Variants in MTR observed in about 807,000 individuals in gnomAD.
The protein encoded by MTR is methionine synthase.
Under a neutral mutation model 154.8 loss-of-function variants are expected in MTR, and 84 were observed. The observed-to-expected ratio is 0.54, with a 90% CI of 0.45 to 0.65. The LOEUF is 0.65. Ranked by LOEUF, MTR falls within the 30% of genes least tolerant of loss-of-function variation. The pLI, the probability that MTR is intolerant of heterozygous loss-of-function variation, is 0.00. For missense variants in MTR, 1,275 were observed against 1,570.2 expected (o/e 0.81, Z 3.18); for synonymous variants, 554 against 553.9 (o/e 1.00, Z 0.00).
Position 236,850,384 on chromosome 1 carries a change from C to T in MTR, c.1556C>T (p.Ala519Val). The stretch of plus-strand genomic sequence containing the variant: ...ACAAAAATCAGAGTGTGCACCCGGG[C>T]CTACCATCTGCTTGTGAAAAAACTG... ...TDTKIRVCTRAYHLLVKKLGF... is the reference protein window; with the variant it reads ...TDTKIRVCTRVYHLLVKKLGF... The change falls in exon 16 of 33, where the codon GCC becomes GTC. Residue 519 changes from alanine (A) to valine (V), a missense_variant. By Grantham distance (64) the Ala-to-Val change is moderately conservative (BLOSUM62 0). Transcript: ENST00000366577. The T allele has an allele frequency of 1.2e-6, 2 of 1,613,660 alleles. No individual in the cohort carries two copies. The highest frequency in any genetic ancestry group is 1.1e-5 in the South Asian group (1 of 91,076).
At chr1:236,834,614 T>A (rs1204036625) in intron 13 of MTR, among the ~76,000 whole-genome samples, 1 of 152,192 alleles carries the variant, frequency 6.6e-6, no homozygotes, top group East Asian at 1.9e-4. Context: ...TTTCTATTTT[T>A]TTTTTCCTTG....
chr1:236,818,734 G>C (rs940351022), intron 8 of MTR, among the ~76,000 whole-genome samples: 10 of 152,088 alleles, frequency 6.6e-5, no homozygotes, highest in African/African-American at 2.4e-4. Flanking sequence ...TGATTATCAC[G>C]AACTATAGAA....
chr1:236,829,308 A>G, intron 12 of MTR, 40 bp downstream of exon 12: 3 of 1,515,456 alleles, frequency 2.0e-6, no homozygotes, highest in Non-Finnish European at 2.8e-6. Context: ...TGCAGAAACC[A>G]TTTGTGGAGT....
rs755149192 is a variant in MTR at position 236,795,697 on chromosome 1, C to G, written c.-7C>G. On this transcript the variant is annotated 5_prime_UTR_variant, in exon 1 of 33. Transcript: ENST00000366577. ...GCGCCCTCTGCGCAAGGAGGAGACT[C>G]GACAACATGTCACCCGCGCTCCAAG... 1.3e-5 allele frequency: 21 copies of G among 1,613,986 alleles called. No individual in the cohort carries two copies. Among genetic ancestry groups the G allele is most frequent in the Non-Finnish European group, 1.7e-5 (20 of 1,180,034 alleles).
chr1:236,816,538 A>G lies in MTR; in HGVS notation c.759A>G (p.Pro253=). ...GFVISVSHGE[P]LCIGLNCALG... is the part of the protein sequence containing the mutation. ...TCATCAGCGTGTCTCATGGAGAACC[A>G]CTCTGGTGAGTGATCCATCTTTCTG... The change falls in exon 8 of 33, where the codon CCA becomes CCG. Residue 253 remains proline, a synonymous_variant. Coordinates refer to ENST00000366577, the MANE Select transcript of MTR (RefSeq NM_000254.3). The G allele has an allele frequency of 6.2e-7, 1 of 1,613,362 alleles. No individual in the cohort carries two copies. Among genetic ancestry groups the G allele is most frequent in the Non-Finnish European group, 8.5e-7 (1 of 1,179,446 alleles).
intron 18 of MTR, among the ~76,000 whole-genome samples, chr1:236,857,731 GTCACC>G (rs1166139220): frequency 6.6e-6 from 1 of 152,198 alleles, no homozygotes; most frequent in African/African-American, 2.4e-5. Flanking sequence ...AGAGGTGATT[GTCACC>G]CAGCGCAGCA....
At chr1:236,797,669 C>T (rs1378305254) in intron 1 of MTR, among the ~76,000 whole-genome samples, 1 of 151,922 alleles carries the variant, frequency 6.6e-6, no homozygotes, top group African/African-American at 2.4e-5. Context: ...AAGAGATGCC[C>T]CCAAAGAAGC....
rs1665685487 is a variant in MTR at position 236,880,744 on chromosome 1, C to CTTCT, written c.2595-8_2595-5dup. The CTTCT allele has an allele frequency of 4.3e-6, 7 of 1,612,704 alleles. No homozygotes were observed. In the East Asian group the frequency reaches 1.6e-4, roughly 36 times the overall value. On this transcript the variant is annotated splice_polypyrimidine_tract_variant and intron_variant, in intron 24 of 32. Transcript: ENST00000366577. ...TGATGGATATATTTTCTTTCTGACCCTTCTTTTTAGAACCCACACAGCAGT... is the reference window on the plus strand; with the variant it reads ...TGATGGATATATTTTCTTTCTGACCCTTCTTTCTTTTTAGAACCCACACAGCAGT...
At chr1:236,874,648 A>T in intron 23 of MTR, 78 bp from the exon 24 acceptor site, 1 of 1,234,294 alleles carries the variant, frequency 8.1e-7, no homozygotes, top group East Asian at 2.6e-5. Flanking sequence ...TTTTAAATGG[A>T]TCTTCATCCT....
chr1:236,862,327 G>A lies in MTR; in HGVS notation c.2288G>A (p.Gly763Asp), dbSNP rs1447100033. 1.9e-6 allele frequency: 3 copies of A among 1,613,634 alleles called. No homozygotes were observed. Among genetic ancestry groups the A allele is most frequent in the Non-Finnish European group, 1.7e-6 (2 of 1,179,586 alleles). Residue 763 changes from glycine to aspartate, a missense_variant, in exon 21 of 33, where the codon GGC becomes GAC. By Grantham distance (94) the Gly-to-Asp change is moderately conservative. Coordinates refer to ENST00000366577, the MANE Select transcript of MTR (RefSeq NM_000254.3). ...AGAGAAGAAACCAGAGTGCTTAACGGCACAGTAGAAGAAGAGGCAAGTCAT... is the reference window on the plus strand; with the variant it reads ...AGAGAAGAAACCAGAGTGCTTAACGACACAGTAGAAGAAGAGGCAAGTCAT... The part of the protein sequence containing the change: ...KEREETRVLN[G>D]TVEEEDPYQG...
intron 24 of MTR, 73 bp downstream of exon 24, chr1:236,874,919 C>T: frequency 1.3e-6 from 2 of 1,539,114 alleles, no homozygotes; most frequent in Non-Finnish European, 1.8e-6. Flanking sequence ...AGTGGGAAAC[C>T]TGTGTTGTTT....
At position 236,803,408 on chromosome 1, in the gene MTR, A is replaced by G. The variant is rs768230559; in HGVS notation, c.35-20A>G. The G allele has an allele frequency of 5.6e-6, 9 of 1,611,226 alleles. No individual in the cohort carries two copies. Among genetic ancestry groups the G allele is most frequent in the South Asian group, 1.1e-5 (1 of 91,016 alleles). On this transcript the variant is annotated intron_variant, in intron 1 of 32. Transcript: ENST00000366577. The stretch of plus-strand genomic sequence containing the variant: ...TTTCACCTTTCATTCTTTGAAGTCA[A>G]ACTTTCACTTTCTTTAAAGAAGGTC...
At chr1:236,894,633 A>G (rs998984272) in intron 30 of MTR, 76 bp downstream of exon 30, 13 of 1,479,946 alleles carry the variant, frequency 8.8e-6, no homozygotes, top group Non-Finnish European at 1.1e-5. Context: ...GTGCCTGAAG[A>G]CTGATCAGCC....
chr1:236,883,105 G>A (rs986763019), intron 25 of MTR, among the ~76,000 whole-genome samples: 2 of 152,166 alleles, frequency 1.3e-5, no homozygotes, highest in African/African-American at 2.4e-5. Flanking sequence ...AATAAAAAAC[G>A]AGGTGCCAAT....
intron 24 of MTR, 117 bp from the exon 25 acceptor site, chr1:236,880,638 G>A: frequency 1.2e-6 from 1 of 865,058 alleles, no homozygotes; most frequent in Non-Finnish European, 1.9e-6. Flanking sequence ...TAAGCACCTT[G>A]AAATGTTTCT....
rs186271740 is a variant in MTR, at chr1:236,824,393, C to T, written c.865+174C>T. 1.2e-3 allele frequency among the ~76,000 whole-genome samples: 187 copies of T among 152,200 alleles called. 5 individuals are homozygous for T. Among genetic ancestry groups the T allele is most frequent in the South Asian group, 4.8e-3 (23 of 4,818 alleles). ...TTTCCCTGTAGACCTGAGGGAAGTT[C>T]GGCTCACCCTGAAGCTTCAGAATAG... On this transcript the variant is annotated intron_variant, in intron 9 of 32. Transcript: ENST00000366577.
intron 23 of MTR, 25 bp from the exon 24 acceptor site, chr1:236,874,701 T>G: frequency 7.2e-7 from 1 of 1,395,602 alleles, no homozygotes; most frequent in East Asian, 2.6e-5. Flanking sequence ...TTTTGTCCTT[T>G]TTTTTTTAAA....
At chr1:236,869,272 C>A (rs1255218819) in intron 22 of MTR, among the ~76,000 whole-genome samples, 1 of 152,214 alleles carries the variant, frequency 6.6e-6, no homozygotes, top group African/African-American at 2.4e-5. Flanking sequence ...GTATGAGATG[C>A]CTTTGCTAAA....
Position 236,838,551 on chromosome 1 carries a change from A to G in MTR, c.1467A>G (p.Lys489=), listed in dbSNP as rs552699169. Residue 489 remains lysine (K), a synonymous_variant, in exon 15 of 33, where the codon AAA becomes AAG. Transcript: ENST00000366577. ...TCTTGGAGAAGGCCAGGAAGATTAA[A>G]AAGTATGGAGCTGCTATGGTGGTCA... ...DDFLEKARKI[K]KYGAAMVVMA... is the part of the protein sequence containing the mutation. 1 of 1,614,150 alleles carries G rather than the reference A, an allele frequency of 6.2e-7. No individual in the cohort carries two copies. The highest frequency in any genetic ancestry group is 2.2e-5 in the East Asian group (1 of 44,880).
Sources: allele counts gnomAD v4.1 joint callset (sites outside exome capture counted in the v4.1 genomes callset), GRCh38; gene constraint gnomAD v4.1.1; transcripts MANE v1.5; gene names NCBI Gene and HGNC (gene_info 2026-07-23, HGNC 2026-07-21).